The following RORB variants were observed in gnomAD, a reference collection of about 807,000 sequenced individuals.
RORB encodes the protein RAR related orphan receptor B.
A neutral mutation model predicts 59.1 loss-of-function variants in RORB; 6 were observed. The observed-to-expected ratio is 0.10, with a 90% CI of 0.06 to 0.20. The LOEUF (loss-of-function observed/expected upper bound fraction) is 0.20, where lower values mean the gene tolerates loss of function less well. Among genes scored for constraint, RORB ranks in the 10% least tolerant of loss-of-function variants. The pLI is 1.00. For synonymous variants in RORB, 215 were observed against 204.5 expected (o/e 1.05, Z -0.44); for missense variants, 320 against 560.5 (o/e 0.57, Z 4.33).
At chr9:74,606,391 G>A (rs1823148958) in intron 1 of RORB, among the ~76,000 whole-genome samples, 1 of 152,178 alleles carries the variant, frequency 6.6e-6, no homozygotes, top group African/African-American at 2.4e-5. Context: ...GTTTGGCAAT[G>A]TGAATTGTTC....
chr9:74,505,314 A>T (rs1469278733), intron 1 of RORB, among the ~76,000 whole-genome samples: 3 of 152,010 alleles, frequency 2.0e-5, no homozygotes, highest in Non-Finnish European at 2.9e-5. Flanking sequence ...CATTTTTAGG[A>T]GCCCAAATTA....
Position 74,588,140 on chromosome 9 carries a change from C to T in RORB, c.8-42142C>T, listed in dbSNP as rs190558656. The stretch of plus-strand genomic sequence containing the variant: ...ATTTAATAAGGCAGGGAAATGGTGG[C>T]GAGAAGAGTAGACTAAATTTAAACA... On this transcript the variant is annotated intron_variant, in intron 1 of 9. Coordinates refer to ENST00000376896, the MANE Select transcript of RORB (RefSeq NM_006914.4). Among the ~76,000 whole-genome samples, 439 of 151,904 alleles carry T rather than the reference C, an allele frequency of 2.9e-3. 6 individuals carry two copies. The highest frequency in any genetic ancestry group is 1.2e-3 in the Non-Finnish European group (80 of 67,988).
chr9:74,615,697 G>T, intron 1 of RORB: 1 of 403,790 alleles, frequency 2.5e-6, no homozygotes, highest in Non-Finnish European at 5.0e-6. Context: ...CATCCTCCAG[G>T]CAAGGAAGTA....
intron 9 of RORB, among the ~76,000 whole-genome samples, chr9:74,685,125 C>T (rs1824619012): frequency 6.6e-6 from 1 of 152,092 alleles, no homozygotes; most frequent in Non-Finnish European, 1.5e-5. Flanking sequence ...CATTACTAAG[C>T]TCTTTTGGAA....
chr9:74,499,580 G>C (rs1825778363), intron 1 of RORB, among the ~76,000 whole-genome samples: 1 of 152,188 alleles, frequency 6.6e-6, no homozygotes, highest in South Asian at 2.1e-4. Flanking sequence ...GTGTGTGCGC[G>C]CTGGCTCCAG....
intron 1 of RORB, among the ~76,000 whole-genome samples, chr9:74,574,484 G>A (rs1420327169): frequency 1.3e-5 from 2 of 151,920 alleles, no homozygotes; most frequent in East Asian, 1.9e-4. Flanking sequence ...AACAACAATT[G>A]CATAAATAGT....
intron 1 of RORB, among the ~76,000 whole-genome samples, chr9:74,625,194 A>C (rs1285303072): frequency 2.0e-5 from 3 of 152,170 alleles, no homozygotes; most frequent in Admixed American, 2.0e-4. Flanking sequence ...GGTAGAGAAA[A>C]TTCCTAGCTA....
chr9:74,531,043 A>G (rs981744675), intron 1 of RORB, among the ~76,000 whole-genome samples: 3 of 151,922 alleles, frequency 2.0e-5, no homozygotes, highest in African/African-American at 4.8e-5. Flanking sequence ...AGATTATTAT[A>G]TTGTTAATGA....
At chr9:74,500,827 C>G (rs1825795281) in intron 1 of RORB, among the ~76,000 whole-genome samples, 1 of 152,128 alleles carries the variant, frequency 6.6e-6, no homozygotes, top group African/African-American at 2.4e-5. Context: ...GAACTGAGTC[C>G]CGGACACAGC....
At chr9:74,554,740 T>C (rs554263951) in intron 1 of RORB, among the ~76,000 whole-genome samples, 1 of 152,332 alleles carries the variant, frequency 6.6e-6, no homozygotes, top group Admixed American at 6.5e-5. Flanking sequence ...AAAATTCAGA[T>C]GACCAATGAA....
intron 4 of RORB, among the ~76,000 whole-genome samples, chr9:74,659,286 G>A (rs1824140508): frequency 6.6e-6 from 1 of 152,202 alleles, no homozygotes; most frequent in African/African-American, 2.4e-5. Context: ...GAGATAGAAA[G>A]GAGACAGCCA....
intron 4 of RORB, among the ~76,000 whole-genome samples, chr9:74,657,846 A>G (rs1824109395): frequency 6.6e-6 from 1 of 151,924 alleles, no homozygotes; most frequent in Non-Finnish European, 1.5e-5. Context: ...CTCTACTAAA[A>G]ATACAAAAAT....
intron 1 of RORB, among the ~76,000 whole-genome samples, chr9:74,545,082 A>G (rs1270206502): frequency 6.7e-6 from 1 of 149,524 alleles, no homozygotes; most frequent in African/African-American, 2.4e-5. Context: ...CTTCCCTTCT[A>G]TGTTCACTGC....
rs1824717438 is a variant in RORB at position 74,690,173 on chromosome 9, C to G, written c.*4555C>G. ...CGAAGTGTTATTTGATGTTCTGTTTCCAACTGTCAGTATAAGCAGCAACTA... is the reference window on the plus strand; with the variant it reads ...CGAAGTGTTATTTGATGTTCTGTTTGCAACTGTCAGTATAAGCAGCAACTA... On this transcript the variant is annotated 3_prime_UTR_variant, in exon 10 of 10. Coordinates refer to ENST00000376896, the MANE Select transcript of RORB (RefSeq NM_006914.4). 1 of 152,144 alleles carries G rather than the reference C, an allele frequency of 6.6e-6. No homozygotes were observed. The highest frequency in any genetic ancestry group is 2.4e-5 in the African/African-American group (1 of 41,414). 9.4% of individuals were successfully genotyped at this position (152,144 alleles called of 1,614,324 possible).
At chr9:74,629,483 C>T (rs1187003522) in intron 1 of RORB, among the ~76,000 whole-genome samples, 1 of 151,912 alleles carries the variant, frequency 6.6e-6, no homozygotes, top group Non-Finnish European at 1.5e-5. Flanking sequence ...CCCAGGCCTC[C>T]AATCTTTTTT....
chr9:74,518,667 T>C (rs912692647), intron 1 of RORB, among the ~76,000 whole-genome samples: 17 of 152,024 alleles, frequency 1.1e-4, no homozygotes, highest in African/African-American at 4.1e-4. Flanking sequence ...TGCCCTCCAG[T>C]ATAAAACTTT....
At chr9:74,670,347 G>C (rs138920701) in intron 8 of RORB, among the ~76,000 whole-genome samples, 16 of 152,242 alleles carry the variant, frequency 1.1e-4, no homozygotes, top group African/African-American at 3.9e-4. Flanking sequence ...GGGTATATTT[G>C]TGGCAAGTCA....
At chr9:74,499,835 A>G (rs904362291) in intron 1 of RORB, among the ~76,000 whole-genome samples, 2 of 151,858 alleles carry the variant, frequency 1.3e-5, no homozygotes, top group Non-Finnish European at 2.9e-5. Flanking sequence ...CTGGGTTCAT[A>G]CTTTCTGAAC....
At position 74,686,822 on chromosome 9, in the gene RORB, G is replaced by A. The variant is rs1001598080; in HGVS notation, c.*1204G>A. 4 of 152,404 alleles carry A rather than the reference G, an allele frequency of 2.6e-5. No individual in the cohort carries two copies. In the East Asian group the frequency reaches 7.7e-4, roughly 29 times the overall value. 9.4% of individuals were successfully genotyped at this position (152,404 alleles called of 1,614,324 possible). On this transcript the variant is annotated 3_prime_UTR_variant, in exon 10 of 10. Coordinates refer to ENST00000376896, the MANE Select transcript of RORB (RefSeq NM_006914.4). ...TGTTAGGAAAAGTGGCAATAAAGGG[G>A]GAGGCATATTATAAAATGCTATAAT...
Sources: gnomAD v4.1 joint callset for allele counts (sites outside exome capture counted in the v4.1 genomes callset) on GRCh38, gnomAD v4.1.1 for gene constraint, MANE v1.5 for transcripts, NCBI Gene and HGNC (gene_info 2026-07-23, HGNC 2026-07-21) for gene names.